The following ZNF589 variants were observed in gnomAD, a reference collection of about 807,000 sequenced individuals.
ZNF589 encodes the protein zinc finger protein 589.
A neutral mutation model predicts 13.6 loss-of-function variants in ZNF589; 17 were observed. The observed-to-expected ratio is 1.25, with a 90% CI of 0.86 to 1.88. The LOEUF (loss-of-function observed/expected upper bound fraction) is 1.88. Among genes scored for constraint, ZNF589 ranks in the 40% most tolerant of loss-of-function variants. ZNF589 has a pLI of 0.00. For missense variants in ZNF589, 407 were observed against 434.0 expected, an observed-to-expected ratio of 0.94 and a Z score of 0.55; for synonymous variants, 148 against 161.6, an observed-to-expected ratio of 0.92 and a Z score of 0.64.
chr3:48,262,332 G>T (rs1179668813), intron 3 of ZNF589, among the ~76,000 whole-genome samples: 1 of 152,046 alleles, frequency 6.6e-6, no homozygotes, highest in Non-Finnish European at 1.5e-5. Context: ...TGGGATTACA[G>T]GCGCGCATCA....
chr3:48,247,603 G>A (rs763499192), intron 1 of ZNF589, 22 bp from the exon 2 acceptor site: 1 of 1,610,986 alleles, frequency 6.2e-7, no homozygotes, highest in South Asian at 1.1e-5. Context: ...GGCTTCTCAA[G>A]GTTGCTTCTT....
At chr3:48,241,244 C>T (rs755594747) in intron 1 of ZNF589, 30 bp downstream of exon 1, 7 of 1,607,306 alleles carry the variant, frequency 4.4e-6, no homozygotes, top group East Asian at 4.5e-5. Flanking sequence ...TCGCCTCCCC[C>T]ATTCGGTGCT....
At position 48,270,576 on chromosome 3, in the gene ZNF589, G is replaced by A; in HGVS notation, c.*1790G>A. On this transcript the variant is annotated 3_prime_UTR_variant, in exon 4 of 4. Transcript: ENST00000354698. ...GTTTGCCTTACTCCCTTGGGCTGGG[G>A]CTAGCCCTACCTGATACCCTGTGTC... The A allele has an allele frequency of 6.6e-6, 2 of 301,076 alleles. No homozygotes were observed. Among genetic ancestry groups the A allele is most frequent in the South Asian group, 3.2e-5 (1 of 30,886 alleles). 18.7% of individuals were successfully genotyped at this position (301,076 alleles called of 1,614,324 possible). A position where few individuals can be genotyped will look rare whatever the true frequency, so the allele number is the denominator to read the frequency against.
intron 1 of ZNF589, among the ~76,000 whole-genome samples, chr3:48,247,081 C>T (rs896708782): frequency 6.6e-6 from 1 of 152,172 alleles, no homozygotes; most frequent in Non-Finnish European, 1.5e-5. Context: ...AGCGATTCTC[C>T]TGCCACAGCC....
chr3:48,264,551 G>T (rs144740449), intron 3 of ZNF589, among the ~76,000 whole-genome samples: 1 of 151,608 alleles, frequency 6.6e-6, no homozygotes, highest in Admixed American at 6.6e-5. Context: ...TAAAAAGGCC[G>T]GGCGCGGTGG....
chr3:48,246,653 G>A (rs2033769201), intron 1 of ZNF589, among the ~76,000 whole-genome samples: 1 of 151,818 alleles, frequency 6.6e-6, no homozygotes, highest in Admixed American at 6.6e-5. Context: ...ACAGACTTCT[G>A]TTTCTGTGTT....
chr3:48,241,304 G>A, intron 1 of ZNF589, 90 bp downstream of exon 1: 2 of 1,516,376 alleles, frequency 1.3e-6, no homozygotes, highest in Non-Finnish European at 1.8e-6. Context: ...AGGGATGCGC[G>A]TGGGGTGCGA....
rs145835942 is a variant in ZNF589 at position 48,263,260 on chromosome 3, C to T, written c.223+2321C>T. Among the ~76,000 whole-genome samples the T allele has an allele frequency of 6.6e-3, 1,007 of 152,150 alleles. 4 individuals are homozygous for T. Among genetic ancestry groups the T allele is most frequent in the Non-Finnish European group, 0.011 (728 of 67,988 alleles). ...GAGTAGCTGGGATTACAGGCACGTG[C>T]CACCACGCCCAGCAAATTTTTTTAT... On this transcript the variant is annotated intron_variant, in intron 3 of 3. Coordinates refer to ENST00000354698, the MANE Select transcript of ZNF589 (RefSeq NM_016089.3).
chr3:48,241,601 C>A (rs1384638917), intron 1 of ZNF589, among the ~76,000 whole-genome samples: 1 of 151,930 alleles, frequency 6.6e-6, no homozygotes, highest in Non-Finnish European at 1.5e-5. Context: ...GCGCGATCTC[C>A]GTTCACTGCA....
chr3:48,241,560 C>A (rs2033699085), intron 1 of ZNF589, among the ~76,000 whole-genome samples: 1 of 152,242 alleles, frequency 6.6e-6, no homozygotes, highest in African/African-American at 2.4e-5. Flanking sequence ...GAGACGGAGT[C>A]TCGCTCTGTC....
intron 2 of ZNF589, among the ~76,000 whole-genome samples, chr3:48,259,248 C>T (rs1195157161): frequency 2.0e-5 from 3 of 152,134 alleles, no homozygotes; most frequent in Non-Finnish European, 4.4e-5. Context: ...CAAAACTTCT[C>T]ACACACTCAA....
intron 2 of ZNF589, among the ~76,000 whole-genome samples, chr3:48,255,627 G>A (rs1211181822): frequency 2.6e-5 from 4 of 151,350 alleles, no homozygotes; most frequent in Admixed American, 1.3e-4. Flanking sequence ...CCGAGTAGCC[G>A]GTATTACAGG....
intron 3 of ZNF589, among the ~76,000 whole-genome samples, chr3:48,263,075 T>C (rs533636952): frequency 6.6e-6 from 1 of 152,342 alleles, no homozygotes; most frequent in Admixed American, 6.5e-5. Context: ...AGATTACATA[T>C]TGAAATGAAT....
intron 2 of ZNF589, chr3:48,256,933 C>T (rs1172617407): frequency 1.5e-5 from 10 of 679,010 alleles, no homozygotes; most frequent in Admixed American, 4.2e-5. Flanking sequence ...CCTCAAAGGC[C>T]GCCATCTTGA....
chr3:48,257,026 T>C (rs972289096), intron 2 of ZNF589: 1 of 542,484 alleles, frequency 1.8e-6, no homozygotes, highest in Non-Finnish European at 3.5e-6. Flanking sequence ...AAGTGTGGTA[T>C]GTAATTCTTC....
Position 48,269,796 on chromosome 3 carries a change from G to A in ZNF589, c.*1010G>A. ...CCTTGTTTGTAAGGTAATGTGGACA[G>A]AGCTGTACGTGGACATCATTACTTG... is the stretch of plus-strand genomic sequence containing the variant. On this transcript the variant is annotated 3_prime_UTR_variant, in exon 4 of 4. Transcript: ENST00000354698. 3 of 357,676 alleles carry A rather than the reference G, an allele frequency of 8.4e-6. No homozygotes were observed. The highest frequency in any genetic ancestry group is 1.6e-5 in the Non-Finnish European group (3 of 182,124). The allele number at this position is 357,676 out of a possible 1,614,324, so 22.2% of individuals were successfully genotyped here.
intron 3 of ZNF589, among the ~76,000 whole-genome samples, chr3:48,265,389 C>G (rs1365848013): frequency 7.6e-6 from 1 of 131,272 alleles, no homozygotes; most frequent in Non-Finnish European, 1.6e-5. Flanking sequence ...GGAATTGAAG[C>G]AATTCTCCTG....
At chr3:48,246,450 TGAC>T (rs1429640852) in intron 1 of ZNF589, among the ~76,000 whole-genome samples, 2 of 152,316 alleles carry the variant, frequency 1.3e-5, no homozygotes, top group African/African-American at 4.8e-5. Context: ...GGAATAACAT[TGAC>T]AAGTTTTTAA....
At chr3:48,245,168 A>C (rs1398059189) in intron 1 of ZNF589, among the ~76,000 whole-genome samples, 7 of 152,026 alleles carry the variant, frequency 4.6e-5, no homozygotes. Flanking sequence ...GCTGGAGTAT[A>C]ATGGTGTGAT....
Sources: gnomAD v4.1 joint callset for allele counts (sites outside exome capture counted in the v4.1 genomes callset) on GRCh38, gnomAD v4.1.1 for gene constraint, MANE v1.5 for transcripts, NCBI Gene and HGNC (gene_info 2026-07-23, HGNC 2026-07-21) for gene names.